Variants in RALYL observed in about 807,000 individuals in gnomAD.
The protein encoded by RALYL is RALY RNA binding protein like, also known as RNA-binding Raly-like protein.
RALYL carries 29 observed loss-of-function variants against 35.1 expected under a neutral mutation model. That is an observed-to-expected ratio of 0.83 (90% CI 0.61 to 1.13). The LOEUF is 1.13. Ranked by LOEUF, RALYL falls within the 50% of genes most tolerant of loss-of-function variation. RALYL has a pLI of 0.00. For synonymous variants in RALYL, 120 were observed against 127.6 expected (o/e 0.94, Z 0.40); for missense variants, 359 against 360.4 (o/e 1.00, Z 0.03).
chr8:84,279,973 A>C (rs546671822), intron 1 of RALYL, among the ~76,000 whole-genome samples: 2 of 152,306 alleles, frequency 1.3e-5, no homozygotes, highest in South Asian at 4.1e-4. Flanking sequence ...AGAGTTTTTC[A>C]GCCTACTGAG....
At chr8:84,661,010 G>C (rs1004860169) in intron 2 of RALYL, among the ~76,000 whole-genome samples, 4 of 151,818 alleles carry the variant, frequency 2.6e-5, no homozygotes, top group African/African-American at 9.7e-5. Flanking sequence ...CTCACTGCAA[G>C]CTCTGCCTCC....
chr8:84,573,945 C>T (rs539329877), intron 2 of RALYL, among the ~76,000 whole-genome samples: 1 of 151,868 alleles, frequency 6.6e-6, no homozygotes, highest in East Asian at 1.9e-4. Context: ...TCTCCACCTG[C>T]TCTTTCATTT....
chr8:84,636,771 A>C (rs1210846840), intron 2 of RALYL, among the ~76,000 whole-genome samples: 1 of 151,838 alleles, frequency 6.6e-6, no homozygotes, highest in Non-Finnish European at 1.5e-5. Flanking sequence ...ATAAAAATTT[A>C]TTACTGGGAC....
intron 1 of RALYL, among the ~76,000 whole-genome samples, chr8:84,223,118 CT>C (rs1822736397): frequency 7.0e-6 from 1 of 142,090 alleles, no homozygotes; most frequent in South Asian, 2.5e-4. Context: ...CTTTCCTTTC[CT>C]TTCCTTTCCT....
At chr8:84,773,442 A>G (rs927307079) in intron 2 of RALYL, among the ~76,000 whole-genome samples, 2 of 152,112 alleles carry the variant, frequency 1.3e-5, no homozygotes, top group Admixed American at 6.6e-5. Context: ...TTCCCTTTCT[A>G]TCATCATTTG....
intron 2 of RALYL, among the ~76,000 whole-genome samples, chr8:84,740,933 TA>T (rs1466239522): frequency 6.6e-6 from 1 of 151,998 alleles, no homozygotes; most frequent in Non-Finnish European, 1.5e-5. Flanking sequence ...GAGTTACTAT[TA>T]TAATTACGCA....
chr8:84,278,960 TGGTA>T (rs956169875), intron 1 of RALYL, among the ~76,000 whole-genome samples: 1 of 152,194 alleles, frequency 6.6e-6, no homozygotes, highest in African/African-American at 2.4e-5. Context: ...ACCTCACTCC[TGGTA>T]CCAATTTACT....
At chr8:84,663,340 T>C (rs1280321287) in intron 2 of RALYL, among the ~76,000 whole-genome samples, 3 of 152,184 alleles carry the variant, frequency 2.0e-5, no homozygotes, top group Non-Finnish European at 4.4e-5. Context: ...TTCCTTTATG[T>C]ATATACCCAG....
intron 2 of RALYL, among the ~76,000 whole-genome samples, chr8:84,662,372 C>T (rs1831107253): frequency 6.6e-6 from 1 of 152,000 alleles, no homozygotes; most frequent in Admixed American, 6.6e-5. Flanking sequence ...ATTTGAACAA[C>T]ATATAAAGAA....
chr8:84,708,606 G>A lies in RALYL; in HGVS notation c.257-65973G>A, dbSNP rs150313611. ...ATGCAAACCTGTTTTTTTAAAATTC[G>A]GATTGATTTGGGAATTAATGTTTAA... On this transcript the variant is annotated intron_variant, in intron 2 of 8. Transcript: ENST00000521268. 1.3e-4 allele frequency among the ~76,000 whole-genome samples: 19 copies of A among 151,846 alleles called. 1 individual carries two copies. The East Asian group carries it at 2.9e-3, about 23-fold the overall frequency.
intron 1 of RALYL, among the ~76,000 whole-genome samples, chr8:84,474,808 T>C (rs1281113711): frequency 6.6e-6 from 1 of 152,210 alleles, no homozygotes; most frequent in Non-Finnish European, 1.5e-5. Flanking sequence ...CACTGTACTC[T>C]GATGTCTATT....
At chr8:84,624,258 C>A (rs151087892) in intron 2 of RALYL, among the ~76,000 whole-genome samples, 66 of 152,334 alleles carry the variant, frequency 4.3e-4, no homozygotes, top group East Asian at 1.7e-3. Flanking sequence ...CAAATTACCA[C>A]AACTGAGCTG....
At chr8:84,693,557 T>A (rs1838513108) in intron 2 of RALYL, among the ~76,000 whole-genome samples, 1 of 151,886 alleles carries the variant, frequency 6.6e-6, no homozygotes, top group Non-Finnish European at 1.5e-5. Context: ...AGCCAAACCA[T>A]ATTAATATAA....
chr8:84,734,988 G>A (rs1388736000), intron 2 of RALYL, among the ~76,000 whole-genome samples: 1 of 142,108 alleles, frequency 7.0e-6, no homozygotes, highest in Admixed American at 7.3e-5. Context: ...TGAATAAAAT[G>A]AAATATATAG....
intron 1 of RALYL, among the ~76,000 whole-genome samples, chr8:84,263,640 A>T (rs1007485067): frequency 2.0e-5 from 3 of 151,964 alleles, no homozygotes; most frequent in Admixed American, 6.6e-5. Flanking sequence ...CATGTGCAGG[A>T]TGTGCAGGTT....
At chr8:84,511,775 T>A (rs1341336537) in intron 1 of RALYL, among the ~76,000 whole-genome samples, 1 of 152,184 alleles carries the variant, frequency 6.6e-6, no homozygotes, top group East Asian at 1.9e-4. Flanking sequence ...AGCTCTCATG[T>A]ATGAGTGAGA....
intron 1 of RALYL, among the ~76,000 whole-genome samples, chr8:84,410,836 C>G (rs1586942148): frequency 6.6e-6 from 1 of 151,588 alleles, no homozygotes; most frequent in East Asian, 1.9e-4. Flanking sequence ...AAAATGCATA[C>G]TATTAAGAGT....
chr8:84,901,314 C>T (rs567984248), intron 8 of RALYL, among the ~76,000 whole-genome samples: 10 of 152,250 alleles, frequency 6.6e-5, no homozygotes, highest in Non-Finnish European at 1.2e-4. Flanking sequence ...AAATCTCACA[C>T]ATTTTATTTG....
intron 1 of RALYL, among the ~76,000 whole-genome samples, chr8:84,283,886 A>T (rs1198528288): frequency 6.6e-6 from 1 of 152,144 alleles, no homozygotes; most frequent in Non-Finnish European, 1.5e-5. Flanking sequence ...GATTCCCAGA[A>T]GTGAATACAT....
Sources: gnomAD v4.1 joint callset for allele counts (sites outside exome capture counted in the v4.1 genomes callset) on GRCh38, gnomAD v4.1.1 for gene constraint, MANE v1.5 for transcripts, NCBI Gene and HGNC (gene_info 2026-07-23, HGNC 2026-07-21) for gene names.